SGCG: variants seen among roughly 807,000 people sequenced by gnomAD.
The protein encoded by SGCG is gamma-sarcoglycan.
In SGCG, 26 loss-of-function variants were observed where a neutral mutation model predicts 29.3. The ratio of observed to expected loss-of-function variants is 0.89; its 90% CI spans 0.65 to 1.23. The LOEUF is 1.23. SGCG is among the 50% of genes most tolerant of loss of function. The probability of loss-of-function intolerance (pLI) is 0.00; values close to 1 mark genes in which losing one functional copy is unlikely to be tolerated. For synonymous variants in SGCG, 145 were observed against 129.7 expected, an observed-to-expected ratio of 1.12 and a Z score of -0.80; for missense variants, 353 against 356.0, an observed-to-expected ratio of 0.99 and a Z score of 0.07.
At chr13:23,169,906 C>G in the SGCG span, 1 of 152,226 alleles carries the variant, frequency 6.6e-6, no homozygotes, top group South Asian at 2.1e-4. Context: ...TTGGGCATGC[C>G]TTGATCCATG....
intron 3 of SGCG, among the ~76,000 whole-genome samples, chr13:23,239,833 A>G (rs1247293045): frequency 6.6e-6 from 1 of 152,194 alleles, no homozygotes; most frequent in African/African-American, 2.4e-5. Flanking sequence ...TATAGCTAAT[A>G]CATCAACTAA....
intron 4 of SGCG, among the ~76,000 whole-genome samples, chr13:23,251,337 G>C (rs888773164): frequency 1.3e-5 from 2 of 152,068 alleles, no homozygotes; most frequent in African/African-American, 4.8e-5. Context: ...CATTCCTTTG[G>C]GTCAGTCAGC....
chr13:23,284,989 C>A (rs1430994179), intron 5 of SGCG, among the ~76,000 whole-genome samples: 1 of 152,162 alleles, frequency 6.6e-6, no homozygotes, highest in Non-Finnish European at 1.5e-5. Flanking sequence ...AAGTTTCGTC[C>A]CAGAGGGGAA....
At chr13:23,254,871 C>T (rs1212446655) in intron 4 of SGCG, among the ~76,000 whole-genome samples, 1 of 152,228 alleles carries the variant, frequency 6.6e-6, no homozygotes, top group African/African-American at 2.4e-5. Flanking sequence ...AGCCATAAGC[C>T]TTGGTAGCTT....
intron 4 of SGCG, chr13:23,268,055 A>G (rs1054226039): frequency 1.3e-5 from 2 of 153,304 alleles, no homozygotes; most frequent in African/African-American, 4.8e-5. Flanking sequence ...AAAATGACTA[A>G]AGCAGCTGGA....
rs561353431 is a variant in SGCG at position 23,309,635 on chromosome 13, A to G, written c.579-11002A>G. Among the ~76,000 whole-genome samples the G allele has an allele frequency of 6.6e-5, 10 of 152,310 alleles. No individual in the cohort carries two copies. In the East Asian group the frequency reaches 9.6e-4, roughly 15 times the overall value. ...TTTTTTAAATGAAATTATGTCTGCT[A>G]TAGGTTTTTGGTAAATATTAATACC... On this transcript the variant is annotated intron_variant, in intron 6 of 7. Coordinates refer to ENST00000218867, the MANE Select transcript of SGCG (RefSeq NM_000231.3).
chr13:23,232,115 TA>T (rs1035508575), intron 2 of SGCG, among the ~76,000 whole-genome samples: 1 of 126,666 alleles, frequency 7.9e-6, no homozygotes, highest in African/African-American at 2.9e-5. Flanking sequence ...CGAGATTCCA[TA>T]AAGAAAAAAA....
At chr13:23,222,962 C>T (rs999690191) in intron 2 of SGCG, among the ~76,000 whole-genome samples, 2 of 152,000 alleles carry the variant, frequency 1.3e-5, no homozygotes, top group African/African-American at 2.4e-5. Context: ...ATGGGCTTCT[C>T]AACATTTCGG....
chr13:23,175,521 T>C, the SGCG span, among the ~76,000 whole-genome samples: 1 of 152,218 alleles, frequency 6.6e-6, no homozygotes, highest in Non-Finnish European at 1.5e-5. Context: ...TTACAAATTA[T>C]TCAAGGTCAT....
At chr13:23,162,976 T>A in the SGCG span, among the ~76,000 whole-genome samples, 2 of 152,188 alleles carry the variant, frequency 1.3e-5, no homozygotes, top group Non-Finnish European at 2.9e-5. Flanking sequence ...ATAATTTTAT[T>A]TCTTATTCTA....
intron 1 of SGCG, among the ~76,000 whole-genome samples, chr13:23,193,180 G>A (rs753099): frequency 0.55 from 83,131 of 151,782 alleles, 22,972 homozygotes; most frequent in Middle Eastern, 0.63. Context: ...CTATAAGATA[G>A]GAGAAAGTTT....
At chr13:23,310,078 C>CTTTTTTTTTTTTT (rs144258130) in intron 6 of SGCG, among the ~76,000 whole-genome samples, 1 of 60,780 alleles carries the variant, frequency 1.6e-5, no homozygotes. Flanking sequence ...TTGTTTTTCT[C>CTTTTTTTTTTTTT]TTTTTTTTTT....
chr13:23,235,965 C>T (rs1319285890), intron 3 of SGCG, among the ~76,000 whole-genome samples: 1 of 152,168 alleles, frequency 6.6e-6, no homozygotes, highest in Non-Finnish European at 1.5e-5. Context: ...GTGACTAACA[C>T]ATAAATATCA....
At chr13:23,268,875 G>A (rs1204983933) in intron 4 of SGCG, 1 of 146,320 alleles carries the variant, frequency 6.8e-6, no homozygotes, top group Admixed American at 7.0e-5. Context: ...ACAAGTTACT[G>A]TCAGTTGAGG....
upstream of SGCG, among the ~76,000 whole-genome samples, chr13:23,178,531 T>C (rs933264459): frequency 6.6e-6 from 1 of 152,198 alleles, no homozygotes; most frequent in Admixed American, 6.5e-5. Context: ...GCAGTTAGCT[T>C]ATAACGTCAT....
intron 4 of SGCG, among the ~76,000 whole-genome samples, chr13:23,269,540 A>C (rs1880776531): frequency 6.6e-6 from 1 of 152,112 alleles, no homozygotes; most frequent in African/African-American, 2.4e-5. Flanking sequence ...TCCATCCTCC[A>C]TTTCATTTGC....
At chr13:23,276,395 C>A (rs1881067557) in intron 4 of SGCG, among the ~76,000 whole-genome samples, 1 of 149,918 alleles carries the variant, frequency 6.7e-6, no homozygotes. Context: ...GTTCTTCCTT[C>A]ATCAGGGAAG....
chr13:23,252,560 G>T (rs562544848), intron 4 of SGCG, among the ~76,000 whole-genome samples: 1 of 151,972 alleles, frequency 6.6e-6, no homozygotes, highest in Admixed American at 6.6e-5. Flanking sequence ...GCGTGGTGGC[G>T]GTCGCCTGTA....
intron 2 of SGCG, among the ~76,000 whole-genome samples, chr13:23,217,928 A>G (rs1039662423): frequency 1.3e-5 from 2 of 152,150 alleles, no homozygotes; most frequent in Admixed American, 1.3e-4. Context: ...GATACAAAAT[A>G]TTTACAACAA....
Sources: allele counts gnomAD v4.1 joint callset (sites outside exome capture counted in the v4.1 genomes callset), GRCh38; gene constraint gnomAD v4.1.1; transcripts MANE v1.5; gene names NCBI Gene and HGNC (gene_info 2026-07-23, HGNC 2026-07-21).